SLC2A2: variants seen among roughly 807,000 people sequenced by gnomAD.
The protein encoded by SLC2A2 is solute carrier family 2, facilitated glucose transporter member 2.
SLC2A2 carries 36 observed loss-of-function variants against 54.5 expected under a neutral mutation model. That is an observed-to-expected ratio of 0.66 (90% CI 0.51 to 0.87). The LOEUF (loss-of-function observed/expected upper bound fraction) is 0.87, where lower values mean the gene tolerates loss of function less well. Among genes scored for constraint, SLC2A2 ranks in the 40% least tolerant of loss-of-function variants. SLC2A2 has a pLI of 0.00. For synonymous variants in SLC2A2, 223 were observed against 219.1 expected (o/e 1.02, Z -0.16); for missense variants, 543 against 624.3 (o/e 0.87, Z 1.39).
intron 1 of SLC2A2, among the ~76,000 whole-genome samples, chr3:171,025,523 A>G (rs1433282842): frequency 6.6e-6 from 1 of 152,154 alleles, no homozygotes; most frequent in Non-Finnish European, 1.5e-5. Flanking sequence ...TATAAAGGGT[A>G]TATTGTATCC....
At chr3:171,003,388 A>G (rs1715429921) in intron 7 of SLC2A2, among the ~76,000 whole-genome samples, 1 of 151,092 alleles carries the variant, frequency 6.6e-6, no homozygotes, top group African/African-American at 2.4e-5. Flanking sequence ...AGGCTATCAG[A>G]AATCCTCAAT....
intron 3 of SLC2A2, among the ~76,000 whole-genome samples, chr3:171,013,296 T>C (rs952634312): frequency 1.3e-5 from 2 of 152,188 alleles, no homozygotes; most frequent in Non-Finnish European, 2.9e-5. Context: ...GAAATTATTT[T>C]TGAATTTTTT....
In SLC2A2 at chr3:171,009,945, G is replaced by A. The variant is rs775137619; in HGVS notation, c.496+13C>T. The A allele has an allele frequency of 5.1e-6, 8 of 1,583,712 alleles. No homozygotes were observed. The highest frequency in any genetic ancestry group is 6.9e-6 in the Non-Finnish European group (8 of 1,164,056). On this transcript the variant is annotated intron_variant, in intron 4 of 10. Coordinates refer to ENST00000314251, the MANE Select transcript of SLC2A2 (RefSeq NM_000340.2). ...TGTGTGTGTGTGTGTGTGTGTGTGT[G>A]TGTGTGACTTACCACAATATAGTCC...
intron 8 of SLC2A2, among the ~76,000 whole-genome samples, chr3:171,002,329 T>G (rs931651291): frequency 1.3e-5 from 2 of 151,868 alleles, no homozygotes; most frequent in Non-Finnish European, 1.5e-5. Context: ...AGTTAAAAAT[T>G]CACAAATGAG....
rs1716269645 is a variant in SLC2A2 at position 171,018,633 on chromosome 3, G to A, written c.16-10C>T. ...CCAGGGTCCCAGTGACCTGCAGGGG[G>A]CGAGACACAGGGCAGGGAAACACCA... On this transcript the variant is annotated splice_polypyrimidine_tract_variant and intron_variant, in intron 1 of 10. Coordinates refer to ENST00000314251, the MANE Select transcript of SLC2A2 (RefSeq NM_000340.2). 1 of 1,596,590 alleles carries A rather than the reference G, an allele frequency of 6.3e-7. No individual in the cohort carries two copies.
At position 170,997,907 on chromosome 3, in the gene SLC2A2, A is replaced by G; in HGVS notation, c.1571T>C (p.Val524Ala). ...EMKFLGATET[V>A] Reference sequence around the variant, plus strand: ...TCAAAAAGCAGGGTTTTTTTTTTACACAGTCTCTGTAGCTCCTAGGAATTT... The same window carrying G: ...TCAAAAAGCAGGGTTTTTTTTTTACGCAGTCTCTGTAGCTCCTAGGAATTT... Residue 524 changes from valine (V) to alanine (A), a missense_variant, in exon 11 of 11, where the codon GTG becomes GCG. By Grantham distance (64) the Val-to-Ala change is moderately conservative (BLOSUM62 0). This residue lies in a region of SLC2A2 where 108 missense variants were observed against 101.3 expected (regional missense o/e 1.07). Coordinates refer to ENST00000314251, the MANE Select transcript of SLC2A2 (RefSeq NM_000340.2). 1 of 1,611,242 alleles carries G rather than the reference A, an allele frequency of 6.2e-7. No individual in the cohort carries two copies. The highest frequency in any genetic ancestry group is 2.2e-5 in the East Asian group (1 of 44,870).
Position 170,998,178 on chromosome 3 carries a change from T to C in SLC2A2, c.1374+15A>G. 1 of 1,613,690 alleles carries C rather than the reference T, an allele frequency of 6.2e-7. No homozygotes were observed. The highest frequency in any genetic ancestry group is 8.5e-7 in the Non-Finnish European group (1 of 1,179,710). On this transcript the variant is annotated intron_variant, in intron 10 of 10. Transcript: ENST00000314251. ...TCTTCTGTTCAGTAAATCTGTGGAA[T>C]ATTAGGCTGCTTACCGCAATGTACT...
Position 171,014,724 on chromosome 3 carries a change from A to G in SLC2A2, c.116T>C (p.Ile39Thr), listed in dbSNP as rs1176350402. ...GVINAPQQVI[I>T]SHYRHVLGVP... ...ACCCAAAACATGTCTATAGTGAGAT[A>G]TTATTACCTAGGAGATAAAGAAAAA... Residue 39 changes from isoleucine to threonine, a missense_variant, in exon 3 of 11, where the codon ATA (isoleucine) becomes ACA (threonine). By Grantham distance (89) the Ile-to-Thr change is moderately conservative (BLOSUM62 -1). Coordinates refer to ENST00000314251, the MANE Select transcript of SLC2A2 (RefSeq NM_000340.2). 1.2e-6 allele frequency: 2 copies of G among 1,612,464 alleles called. No individual in the cohort carries two copies. Among genetic ancestry groups the G allele is most frequent in the East Asian group, 4.5e-5 (2 of 44,894 alleles).
At chr3:171,001,871 A>G (rs1715350581) in intron 8 of SLC2A2, among the ~76,000 whole-genome samples, 1 of 129,778 alleles carries the variant, frequency 7.7e-6, no homozygotes, top group East Asian at 2.0e-4. Flanking sequence ...TTAATATATA[A>G]GAACCATCAC....
At position 171,014,686 on chromosome 3, in the gene SLC2A2, C is replaced by A. The variant is rs1311902495; in HGVS notation, c.154G>T (p.Asp52Tyr). 3.1e-6 allele frequency: 5 copies of A among 1,613,810 alleles called. No homozygotes were observed. Among genetic ancestry groups the A allele is most frequent in the Non-Finnish European group, 3.4e-6 (4 of 1,179,728 alleles). The change falls in exon 3 of 11, where the codon GAC becomes TAC. Residue 52 changes from aspartate (D) to tyrosine (Y), a missense_variant. By Grantham distance (160) the Asp-to-Tyr change is radical. Coordinates refer to ENST00000314251, the MANE Select transcript of SLC2A2 (RefSeq NM_000340.2). Reference sequence around the variant, plus strand: ...ACATAGTTGTTGATAGCTTTTCGGTCATCCAGTGGAACACCCAAAACATGT... The same window carrying A: ...ACATAGTTGTTGATAGCTTTTCGGTAATCCAGTGGAACACCCAAAACATGT... ...YRHVLGVPLD[D>Y]RKAINNYVIN...
chr3:170,999,455 C>G (rs1297506444), intron 8 of SLC2A2, among the ~76,000 whole-genome samples: 1 of 152,066 alleles, frequency 6.6e-6, no homozygotes, highest in African/African-American at 2.4e-5. Context: ...ACCACTACTC[C>G]AGGATTATCA....
At chr3:171,007,109 A>G in intron 5 of SLC2A2, 39 bp downstream of exon 5, 3 of 1,107,308 alleles carry the variant, frequency 2.7e-6, no homozygotes, top group Non-Finnish European at 4.2e-6. Flanking sequence ...AGGATGAAGT[A>G]GATGGGTGCA....
intron 3 of SLC2A2, among the ~76,000 whole-genome samples, chr3:171,011,791 G>A (rs1418089289): frequency 6.6e-6 from 1 of 151,998 alleles, no homozygotes; most frequent in African/African-American, 2.4e-5. Flanking sequence ...TTAACAAGTT[G>A]TTACCACCTA....
intron 4 of SLC2A2, among the ~76,000 whole-genome samples, chr3:171,008,401 G>T (rs1040242619): frequency 6.6e-6 from 1 of 151,950 alleles, no homozygotes; most frequent in African/African-American, 2.4e-5. Context: ...TTCTGTAATA[G>T]CTAATACTAT....
At chr3:171,025,556 A>G (rs1448109442) in intron 1 of SLC2A2, among the ~76,000 whole-genome samples, 1 of 152,114 alleles carries the variant, frequency 6.6e-6, no homozygotes, top group East Asian at 1.9e-4. Context: ...GTTTTCTCAC[A>G]ATAGAGAAAA....
At chr3:171,004,976 T>G (rs1715522489) in intron 7 of SLC2A2, among the ~76,000 whole-genome samples, 1 of 151,954 alleles carries the variant, frequency 6.6e-6, no homozygotes, top group African/African-American at 2.4e-5. Flanking sequence ...TCCTTGCAGT[T>G]TTTTGGGGGA....
At chr3:171,007,044 T>C (rs1715644155) in intron 5 of SLC2A2, 104 bp downstream of exon 5, 10 of 749,134 alleles carry the variant, frequency 1.3e-5, no homozygotes, top group Middle Eastern at 2.3e-4. Flanking sequence ...AGGGACGAGA[T>C]GGATGAAGTG....
rs1384542256 is a variant in SLC2A2, at chr3:171,005,403, T to G, written c.845A>C (p.Glu282Ala). 6.2e-7 allele frequency: 1 copy of G among 1,612,742 alleles called. No homozygotes were observed. The highest frequency in any genetic ancestry group is 8.5e-7 in the Non-Finnish European group (1 of 1,179,138). ...DINEMRKERE[E>A]ASSEQKVSII... ...AGAGACTTTCTGCTCACTCGATGCT[T>G]CTTCTCTTTCTTTTCTCATTTCATT... The change falls in exon 7 of 11, where the codon GAA becomes GCA. Residue 282 changes from glutamate (E) to alanine (A), a missense_variant. Around this residue, in one of 3 missense-constraint regions of SLC2A2, gnomAD observed 318 missense variants for 343.8 expected, o/e 0.93. Coordinates refer to ENST00000314251, the MANE Select transcript of SLC2A2 (RefSeq NM_000340.2).
rs1715553800 is a variant in SLC2A2 at position 171,005,486 on chromosome 3, TG to T, written c.776-15del. 1.9e-6 allele frequency: 3 copies of T among 1,608,228 alleles called. No individual in the cohort carries two copies. Among genetic ancestry groups the T allele is most frequent in the Admixed American group, 1.7e-5 (1 of 59,788 alleles). On this transcript the variant is annotated splice_polypyrimidine_tract_variant and intron_variant, in intron 6 of 10. Transcript: ENST00000314251. ...GTCTTTTCAAGCCTGTCCAAGAAAA[TG>T]ATCAGGTTGAAACAACTCAGGCCAA...
Sources: allele counts gnomAD v4.1 joint callset (sites outside exome capture counted in the v4.1 genomes callset), GRCh38; gene constraint gnomAD v4.1.1; regional missense constraint gnomAD v4.1.1; transcripts MANE v1.5; gene names NCBI Gene and HGNC (gene_info 2026-07-23, HGNC 2026-07-21).